The following AHCYL2 variants were observed in gnomAD, a reference collection of about 807,000 sequenced individuals.
AHCYL2 encodes adenosylhomocysteinase like 2.
Under a neutral mutation model 81.4 loss-of-function variants are expected in AHCYL2, and 28 were observed. That is an observed-to-expected ratio of 0.34 (90% confidence interval 0.25 to 0.47). AHCYL2 has a LOEUF of 0.47. Ranked by LOEUF, AHCYL2 falls within the 20% of genes least tolerant of loss-of-function variation. AHCYL2 has a pLI of 1.00. For missense variants in AHCYL2, 551 were observed against 785.1 expected, an observed-to-expected ratio of 0.70 and a Z score of 3.56; for synonymous variants, 272 against 290.2, an observed-to-expected ratio of 0.94 and a Z score of 0.64.
chr7:129,400,290 G>A lies in AHCYL2; in HGVS notation c.824G>A (p.Gly275Glu), dbSNP rs1234690216. Residue 275 changes from glycine to glutamate, a missense_variant and splice_region_variant, in exon 6 of 17, where the codon GGA becomes GAA. Physicochemically the swap from Gly to Glu is moderately conservative, Grantham distance 98. Transcript: ENST00000325006. Reference protein sequence around the residue: ...NEVAAALAESGFPVFAWKGES... With the variant: ...NEVAAALAESEFPVFAWKGES... The stretch of plus-strand genomic sequence containing the variant: ...TTCCCTTTGTTCCTTTTTTTCCCAG[G>A]ATTTCCTGTTTTTGCCTGGAAGGGA... 1.2e-6 allele frequency: 2 copies of A among 1,610,780 alleles called. No homozygotes were observed. The highest frequency in any genetic ancestry group is 1.7e-6 in the Non-Finnish European group (2 of 1,178,694).
chr7:129,344,245 A>G (rs992697953), intron 1 of AHCYL2, among the ~76,000 whole-genome samples: 6 of 152,180 alleles, frequency 3.9e-5, no homozygotes, highest in African/African-American at 1.4e-4. Context: ...TTACCTATGC[A>G]TTTACCCAAG....
chr7:129,423,268 G>A lies in AHCYL2; in HGVS notation c.1560+330G>A, dbSNP rs190850664. Among the ~76,000 whole-genome samples, 21 of 152,340 alleles carry A rather than the reference G, an allele frequency of 1.4e-4. No homozygotes were observed. The East Asian group carries it at 4.0e-3, about 29-fold the overall frequency. ...AAAGAGATAATGTCACTTGTGGGAT[G>A]TTTTAATCACTAAGCACAAAGTAGA... On this transcript the variant is annotated intron_variant, in intron 13 of 16. Coordinates refer to ENST00000325006, the MANE Select transcript of AHCYL2 (RefSeq NM_015328.4).
chr7:129,408,916 T>C (rs895317875), intron 10 of AHCYL2, among the ~76,000 whole-genome samples: 1 of 151,968 alleles, frequency 6.6e-6, no homozygotes, highest in East Asian at 1.9e-4. Flanking sequence ...TCAAATAATA[T>C]AAGAGTCTAA....
intron 1 of AHCYL2, among the ~76,000 whole-genome samples, chr7:129,343,354 G>A (rs1793252674): frequency 6.6e-6 from 1 of 152,054 alleles, no homozygotes; most frequent in African/African-American, 2.4e-5. Flanking sequence ...TTTCTTATTT[G>A]TCCTGCATTA....
rs528161818 is a variant in AHCYL2, at chr7:129,379,078, C to T, written c.364-560C>T. 3.9e-5 allele frequency among the ~76,000 whole-genome samples: 6 copies of T among 151,976 alleles called. No individual in the cohort carries two copies. In the South Asian group the frequency reaches 6.2e-4, roughly 16 times the overall value. On this transcript the variant is annotated intron_variant, in intron 1 of 16. Transcript: ENST00000325006. ...GGTGAATCACTTGAGGTCAGGAGTT[C>T]GAGACCAGCCTGGCCAACATGGTGA...
At chr7:129,320,615 T>C (rs1797980610) in intron 1 of AHCYL2, among the ~76,000 whole-genome samples, 1 of 152,154 alleles carries the variant, frequency 6.6e-6, no homozygotes, top group Admixed American at 6.6e-5. Flanking sequence ...TCTGGCCTTA[T>C]CACAGTTTTT....
At chr7:129,418,369 G>A (rs561027044) in intron 12 of AHCYL2, among the ~76,000 whole-genome samples, 5 of 151,794 alleles carry the variant, frequency 3.3e-5, no homozygotes, top group East Asian at 1.9e-4. Context: ...GTGCAATCTC[G>A]GCTCACTGCA....
chr7:129,322,976 T>G (rs183862354), intron 1 of AHCYL2, among the ~76,000 whole-genome samples: 17 of 152,358 alleles, frequency 1.1e-4, no homozygotes, highest in African/African-American at 3.8e-4. Context: ...CCTTTGGATC[T>G]TCTCTCTTTT....
intron 1 of AHCYL2, among the ~76,000 whole-genome samples, chr7:129,227,354 C>T (rs1329229072): frequency 6.6e-6 from 1 of 151,188 alleles, no homozygotes; most frequent in African/African-American, 2.4e-5. Flanking sequence ...AAAATCATGG[C>T]TCACGTCTGT....
At position 129,352,233 on chromosome 7, in the gene AHCYL2, T is replaced by TA. The variant is rs113366248; in HGVS notation, c.364-27404dup. On this transcript the variant is annotated intron_variant, in intron 1 of 16. Coordinates refer to ENST00000325006, the MANE Select transcript of AHCYL2 (RefSeq NM_015328.4). ...TATTCAGGTTTGGGCATCTGGCAGA[T>TA]ATTTTCTTGAAAATGAACGAAGTGA... 7.0e-3 allele frequency among the ~76,000 whole-genome samples: 1,060 copies of TA among 152,310 alleles called. 14 individuals carry two copies. Among genetic ancestry groups the TA allele is most frequent in the African/African-American group, 0.025 (1,020 of 41,570 alleles).
chr7:129,389,402 AGGG>A (rs1016609408), intron 3 of AHCYL2, among the ~76,000 whole-genome samples: 1 of 148,466 alleles, frequency 6.7e-6, no homozygotes, highest in African/African-American at 2.5e-5. Flanking sequence ...AAAAAAAAAA[AGGG>A]AGAGAGACTG....
intron 1 of AHCYL2, among the ~76,000 whole-genome samples, chr7:129,312,235 C>T (rs936563780): frequency 3.9e-4 from 59 of 152,182 alleles, no homozygotes; most frequent in African/African-American, 1.4e-3. Context: ...CAAGCGTTCA[C>T]CACCATGCCT....
chr7:129,275,641 G>A (rs1160973978), intron 1 of AHCYL2, among the ~76,000 whole-genome samples: 3 of 152,008 alleles, frequency 2.0e-5, no homozygotes, highest in African/African-American at 7.3e-5. Flanking sequence ...AAATTGTAAA[G>A]GAAGAATTAA....
chr7:129,411,961 A>C (rs745832013), intron 11 of AHCYL2, among the ~76,000 whole-genome samples: 2 of 152,206 alleles, frequency 1.3e-5, no homozygotes, highest in Non-Finnish European at 2.9e-5. Flanking sequence ...GCTGCTATGA[A>C]CATTGAATAC....
chr7:129,276,190 T>G (rs1232161748), intron 1 of AHCYL2, among the ~76,000 whole-genome samples: 1 of 152,048 alleles, frequency 6.6e-6, no homozygotes, highest in East Asian at 1.9e-4. Flanking sequence ...ATATAAATAC[T>G]GTGTATCAGA....
intron 1 of AHCYL2, among the ~76,000 whole-genome samples, chr7:129,359,628 G>A (rs1410993022): frequency 6.6e-6 from 1 of 152,152 alleles, no homozygotes; most frequent in Non-Finnish European, 1.5e-5. Context: ...GGCCCTAAAT[G>A]CAAATTCCTT....
chr7:129,294,542 A>T (rs1410269818), intron 1 of AHCYL2, among the ~76,000 whole-genome samples: 1 of 152,202 alleles, frequency 6.6e-6, no homozygotes, highest in Admixed American at 6.5e-5. Context: ...GCCAGTTATC[A>T]ATTTACCATA....
chr7:129,253,440 A>G (rs1339847713), intron 1 of AHCYL2, among the ~76,000 whole-genome samples: 1 of 152,154 alleles, frequency 6.6e-6, no homozygotes, highest in Non-Finnish European at 1.5e-5. Flanking sequence ...GGCAAGACCA[A>G]ATAAAGTGAA....
At chr7:129,248,620 A>AT (rs75305879) in intron 1 of AHCYL2, among the ~76,000 whole-genome samples, 2,149 of 100,602 alleles carry the variant, frequency 0.021, 27 homozygotes, top group Non-Finnish European at 0.028. Context: ...CCTGGATACT[A>AT]TTTTTTTTTT....
Sources: allele counts gnomAD v4.1 joint callset (sites outside exome capture counted in the v4.1 genomes callset), GRCh38; gene constraint gnomAD v4.1.1; transcripts MANE v1.5; gene names NCBI Gene and HGNC (gene_info 2026-07-23, HGNC 2026-07-21).